ETS1: variants seen among roughly 807,000 people sequenced by gnomAD.
ETS1 encodes protein C-ets-1.
ETS1 carries 15 observed loss-of-function variants against 58.6 expected under a neutral mutation model. That is an observed-to-expected ratio of 0.26 (90% CI 0.17 to 0.39). The LOEUF is 0.39. Ranked by LOEUF, ETS1 falls within the 10% of genes least tolerant of loss-of-function variation. The pLI, the probability that ETS1 is intolerant of heterozygous loss-of-function variation, is 1.00. For synonymous variants in ETS1, 214 were observed against 218.2 expected, an observed-to-expected ratio of 0.98 and a Z score of 0.17; for missense variants, 417 against 610.5, an observed-to-expected ratio of 0.68 and a Z score of 3.34.
chr11:128,570,308 G>T (rs1864600260), intron 2 of ETS1, among the ~76,000 whole-genome samples: 1 of 148,330 alleles, frequency 6.7e-6, no homozygotes, highest in Admixed American at 6.8e-5. Context: ...CACAATTTCA[G>T]CTCACTGCAA....
intron 1 of ETS1, among the ~76,000 whole-genome samples, chr11:128,579,318 A>T (rs574120210): frequency 6.6e-6 from 1 of 152,260 alleles, no homozygotes; most frequent in African/African-American, 2.4e-5. Flanking sequence ...ATTCCTATCA[A>T]TTCAAACAAA....
intron 3 of ETS1, among the ~76,000 whole-genome samples, chr11:128,544,195 G>A (rs1197837540): frequency 6.6e-6 from 1 of 151,630 alleles, no homozygotes; most frequent in Non-Finnish European, 1.5e-5. Flanking sequence ...TCAGTTCCTT[G>A]TATACTTTAT....
chr11:128,534,108 G>A (rs1212964119), intron 3 of ETS1, among the ~76,000 whole-genome samples: 2 of 152,196 alleles, frequency 1.3e-5, no homozygotes, highest in African/African-American at 4.8e-5. Flanking sequence ...GTTTACACAT[G>A]CACTTTTTAA....
At chr11:128,531,208 T>G (rs1249670757) in intron 3 of ETS1, among the ~76,000 whole-genome samples, 1 of 152,238 alleles carries the variant, frequency 6.6e-6, no homozygotes, top group African/African-American at 2.4e-5. Flanking sequence ...TTAGCTTGGC[T>G]GCTCTCCAGA....
intron 2 of ETS1, among the ~76,000 whole-genome samples, chr11:128,561,083 G>T (rs1286928753): frequency 6.6e-6 from 1 of 152,180 alleles, no homozygotes; most frequent in East Asian, 1.9e-4. Context: ...TTGTTTGGAG[G>T]TGACAAGCAG....
intron 1 of ETS1, among the ~76,000 whole-genome samples, chr11:128,585,166 A>G (rs376925071): frequency 0.02 from 496 of 24,204 alleles, 81 homozygotes; most frequent in South Asian, 0.078. Flanking sequence ...GAAAGAAAGA[A>G]AGAGAAAGAA....
At chr11:128,567,219 T>C (rs1404669475) in intron 2 of ETS1, among the ~76,000 whole-genome samples, 1 of 152,204 alleles carries the variant, frequency 6.6e-6, no homozygotes, top group Non-Finnish European at 1.5e-5. Flanking sequence ...CAGGTACCCA[T>C]GTCCCACTGG....
At chr11:128,519,865 G>GA (rs143880791) in intron 3 of ETS1, among the ~76,000 whole-genome samples, 28 of 149,024 alleles carry the variant, frequency 1.9e-4, no homozygotes, top group Admixed American at 2.7e-4. Context: ...TAAAGGTCCA[G>GA]AAAAAAAAAA....
chr11:128,478,403 G>T (rs909480596), intron 8 of ETS1, among the ~76,000 whole-genome samples: 1 of 112,920 alleles, frequency 8.9e-6, no homozygotes, highest in African/African-American at 3.6e-5. Context: ...GAGGGAGGAA[G>T]GGAGGGAGGG....
chr11:128,501,225 G>A (rs549396311), intron 3 of ETS1, among the ~76,000 whole-genome samples: 2 of 152,112 alleles, frequency 1.3e-5, no homozygotes, highest in South Asian at 4.2e-4. Context: ...TGTTCCTGAA[G>A]AGCATCACAA....
intron 1 of ETS1, among the ~76,000 whole-genome samples, chr11:128,576,568 G>C (rs1215170112): frequency 1.3e-5 from 2 of 152,134 alleles, no homozygotes; most frequent in African/African-American, 2.4e-5. Context: ...GGGTAACAGA[G>C]GGTCTTGCAG....
At chr11:128,499,938 G>C (rs943468146) in intron 3 of ETS1, among the ~76,000 whole-genome samples, 40 of 152,216 alleles carry the variant, frequency 2.6e-4, no homozygotes, top group African/African-American at 9.2e-4. Context: ...ATTTAGGCTG[G>C]AAGAGGTAAA....
chr11:128,475,265 AT>A (rs1306765315), intron 8 of ETS1, among the ~76,000 whole-genome samples: 1 of 152,248 alleles, frequency 6.6e-6, no homozygotes, highest in East Asian at 1.9e-4. Flanking sequence ...GAAAACTGTG[AT>A]TTCAGCTAAT....
intron 8 of ETS1, among the ~76,000 whole-genome samples, chr11:128,476,187 C>T (rs1217828856): frequency 6.6e-6 from 1 of 152,184 alleles, no homozygotes; most frequent in Non-Finnish European, 1.5e-5. Flanking sequence ...AGTGATAGGA[C>T]TCCTTATCTG....
chr11:128,506,119 C>CT (rs375785489), intron 3 of ETS1, among the ~76,000 whole-genome samples: 71 of 152,210 alleles, frequency 4.7e-4, no homozygotes, highest in African/African-American at 1.5e-3. Context: ...GGACAGCATT[C>CT]TTTTTTTCAG....
chr11:128,496,370 C>T lies in ETS1; in HGVS notation c.215-5794G>A, dbSNP rs371612397. On this transcript the variant is annotated intron_variant, in intron 3 of 9. Coordinates refer to ENST00000392668, the MANE Select transcript of ETS1 (RefSeq NM_001143820.2). ...TGCAGTGATATTTCCTCTTAATGGT[C>T]AACATCCTCATGAACTTACAACTGT... 6.2e-4 allele frequency among the ~76,000 whole-genome samples: 95 copies of T among 152,064 alleles called. 4 individuals are homozygous for T. In the South Asian group the frequency reaches 0.018, roughly 30 times the overall value.
chr11:128,468,507 A>AC (rs1196290661), intron 8 of ETS1, among the ~76,000 whole-genome samples: 1 of 152,138 alleles, frequency 6.6e-6, no homozygotes, highest in Non-Finnish European at 1.5e-5. Flanking sequence ...GGACATCCTC[A>AC]CAGCAAGTGA....
intron 3 of ETS1, among the ~76,000 whole-genome samples, chr11:128,537,586 C>A (rs75872699): frequency 0.081 from 12,321 of 152,246 alleles, 629 homozygotes; most frequent in East Asian, 0.17. Flanking sequence ...GAAATAAACT[C>A]CTGCACCCAA....
chr11:128,487,937 A>T (rs1862682667), intron 5 of ETS1, among the ~76,000 whole-genome samples: 1 of 152,202 alleles, frequency 6.6e-6, no homozygotes, highest in African/African-American at 2.4e-5. Flanking sequence ...CACTTTGGAA[A>T]CAGGGAGACA....
Sources: allele counts gnomAD v4.1 joint callset (sites outside exome capture counted in the v4.1 genomes callset), GRCh38; gene constraint gnomAD v4.1.1; transcripts MANE v1.5; gene names NCBI Gene and HGNC (gene_info 2026-07-23, HGNC 2026-07-21).